The following ARHGAP32 variants were observed in gnomAD, a reference collection of about 807,000 sequenced individuals.
The protein encoded by ARHGAP32 is Rho GTPase activating protein 32, also known as rho GTPase-activating protein 32.
In ARHGAP32, 51 loss-of-function variants were observed where a neutral mutation model predicts 186.5. The ratio of observed to expected loss-of-function variants is 0.27; its 90% CI spans 0.22 to 0.35. The LOEUF (loss-of-function observed/expected upper bound fraction) is 0.35, where lower values mean the gene tolerates loss of function less well. ARHGAP32 is among the 10% of genes least tolerant of loss of function. The pLI is 1.00. For missense variants in ARHGAP32, 2,186 were observed against 2,623.5 expected (o/e 0.83, Z 3.64); for synonymous variants, 950 against 964.3 (o/e 0.99, Z 0.27).
At chr11:129,233,554 A>G (rs138953519) in intron 1 of ARHGAP32, among the ~76,000 whole-genome samples, 32 of 152,210 alleles carry the variant, frequency 2.1e-4, no homozygotes, top group African/African-American at 6.0e-4. Context: ...GATGCCTTAG[A>G]GAAGTCATGC....
intron 1 of ARHGAP32, among the ~76,000 whole-genome samples, chr11:129,227,268 A>G (rs1944797883): frequency 1.3e-5 from 2 of 152,066 alleles, no homozygotes; most frequent in Admixed American, 6.6e-5. Flanking sequence ...CTCAAAAAAT[A>G]TACTAAAATA....
At chr11:129,273,214 T>C (rs978482635) in intron 1 of ARHGAP32, among the ~76,000 whole-genome samples, 1 of 152,204 alleles carries the variant, frequency 6.6e-6, no homozygotes, top group Non-Finnish European at 1.5e-5. Flanking sequence ...GAACACCTCC[T>C]GAGGGCAAAG....
At chr11:129,211,179 TTAAC>T (rs1944574758) in intron 1 of ARHGAP32, among the ~76,000 whole-genome samples, 1 of 152,180 alleles carries the variant, frequency 6.6e-6, no homozygotes, top group Non-Finnish European at 1.5e-5. Flanking sequence ...GACATGTTTT[TTAAC>T]TAACTGTTTT....
chr11:129,221,221 T>C (rs985666561), intron 1 of ARHGAP32, among the ~76,000 whole-genome samples: 1 of 152,122 alleles, frequency 6.6e-6, no homozygotes, highest in Non-Finnish European at 1.5e-5. Context: ...TGCGAAGCCA[T>C]GAAGTCTTAT....
chr11:129,029,810 A>G (rs1169369776), intron 11 of ARHGAP32, among the ~76,000 whole-genome samples: 1 of 149,850 alleles, frequency 6.7e-6, no homozygotes, highest in African/African-American at 2.4e-5. Flanking sequence ...TCAAAAAAAA[A>G]AAAAAAAAAA....
chr11:129,134,919 C>T (rs1230107812), intron 2 of ARHGAP32, among the ~76,000 whole-genome samples: 2 of 152,130 alleles, frequency 1.3e-5, no homozygotes, highest in Non-Finnish European at 2.9e-5. Flanking sequence ...ACTTCCCAGC[C>T]TCCAAAACTA....
chr11:129,160,723 C>G (rs572583681), intron 2 of ARHGAP32, among the ~76,000 whole-genome samples: 348 of 152,198 alleles, frequency 2.3e-3, no homozygotes, highest in African/African-American at 8.2e-3. Context: ...GTGAAAATGG[C>G]CATACTGCCC....
intron 1 of ARHGAP32, among the ~76,000 whole-genome samples, chr11:129,229,406 T>C (rs2135632011): frequency 6.6e-6 from 1 of 152,222 alleles, no homozygotes; most frequent in South Asian, 2.1e-4. Flanking sequence ...GAAGTTATGT[T>C]TATATTAATT....
At chr11:129,067,874 A>T (rs767208198) in intron 6 of ARHGAP32, among the ~76,000 whole-genome samples, 1 of 152,030 alleles carries the variant, frequency 6.6e-6, no homozygotes, top group Non-Finnish European at 1.5e-5. Context: ...AAAAATTAAC[A>T]TGATAAACTT....
intron 10 of ARHGAP32, among the ~76,000 whole-genome samples, chr11:129,061,228 G>C (rs1283838258): frequency 6.6e-6 from 1 of 152,110 alleles, no homozygotes; most frequent in Non-Finnish European, 1.5e-5. Context: ...AAAAACCACA[G>C]GCTATATGTT....
chr11:128,994,632 T>G (rs1248452641), intron 12 of ARHGAP32, among the ~76,000 whole-genome samples: 1 of 152,100 alleles, frequency 6.6e-6, no homozygotes, highest in Non-Finnish European at 1.5e-5. Flanking sequence ...TATGAAGTCT[T>G]AAAATCTGAA....
chr11:129,177,905 CA>C (rs781002058), intron 1 of ARHGAP32, among the ~76,000 whole-genome samples: 1 of 152,180 alleles, frequency 6.6e-6, no homozygotes, highest in Admixed American at 6.6e-5. Flanking sequence ...TCTCACCACT[CA>C]CTCCTATTCA....
At chr11:129,001,867 G>A (rs1946367702) in intron 11 of ARHGAP32, among the ~76,000 whole-genome samples, 1 of 152,106 alleles carries the variant, frequency 6.6e-6, no homozygotes, top group South Asian at 2.1e-4. Flanking sequence ...TGAAGAGACT[G>A]TTATTTCCCC....
At chr11:128,996,562 C>T (rs146643269) in intron 12 of ARHGAP32, among the ~76,000 whole-genome samples, 7 of 152,212 alleles carry the variant, frequency 4.6e-5, no homozygotes, top group Admixed American at 6.5e-5. Context: ...TTAACTTATA[C>T]ATTTGAAGTT....
In ARHGAP32 at chr11:129,124,053, G is replaced by A. The variant is rs540175062; in HGVS notation, c.318-124C>T. On this transcript the variant is annotated intron_variant, in intron 3 of 22. Coordinates refer to ENST00000682385, the MANE Select transcript of ARHGAP32 (RefSeq NM_001378024.1). The stretch of plus-strand genomic sequence containing the variant: ...TAAAACTGATTACTTTCAGGTACAC[G>A]ATGAATAGTCCTTGTTCAAAATGGC... 64 of 490,266 alleles carry A rather than the reference G, an allele frequency of 1.3e-4. 1 individual carries two copies. The South Asian group carries it at 1.5e-3, about 12-fold the overall frequency. 30.4% of individuals were successfully genotyped at this position (490,266 alleles called of 1,614,324 possible).
At chr11:129,215,256 C>T (rs1298630044) in intron 1 of ARHGAP32, among the ~76,000 whole-genome samples, 1 of 152,062 alleles carries the variant, frequency 6.6e-6, no homozygotes, top group Non-Finnish European at 1.5e-5. Context: ...GGTTTTGGTG[C>T]CTCAGTTTAG....
intron 6 of ARHGAP32, among the ~76,000 whole-genome samples, chr11:129,079,284 A>G (rs972279880): frequency 3.9e-5 from 6 of 152,180 alleles, no homozygotes; most frequent in Non-Finnish European, 7.4e-5. Flanking sequence ...TCGCAAAATG[A>G]TCATCACCTA....
chr11:129,112,787 C>G (rs931705916), intron 5 of ARHGAP32, among the ~76,000 whole-genome samples: 1 of 152,048 alleles, frequency 6.6e-6, no homozygotes, highest in African/African-American at 2.4e-5. Flanking sequence ...ATCAAAATAC[C>G]AATCAAAAGC....
At chr11:129,089,568 A>G (rs1941515571) in intron 6 of ARHGAP32, among the ~76,000 whole-genome samples, 1 of 152,166 alleles carries the variant, frequency 6.6e-6, no homozygotes, top group Admixed American at 6.5e-5. Context: ...GCGAGTGAGG[A>G]GGGATGGTCC....
Sources: allele counts gnomAD v4.1 joint callset (sites outside exome capture counted in the v4.1 genomes callset), GRCh38; gene constraint gnomAD v4.1.1; transcripts MANE v1.5; gene names NCBI Gene and HGNC (gene_info 2026-07-23, HGNC 2026-07-21).